The following GRAMD1B variants were observed in gnomAD, a reference collection of about 807,000 sequenced individuals.
The protein encoded by GRAMD1B is GRAM domain containing 1B.
Under a neutral mutation model 99.7 loss-of-function variants are expected in GRAMD1B, and 37 were observed. That is an observed-to-expected ratio of 0.37 (90% confidence interval 0.29 to 0.49). GRAMD1B has a LOEUF of 0.49. Ranked by LOEUF, GRAMD1B falls within the 20% of genes least tolerant of loss-of-function variation. GRAMD1B has a pLI of 0.98. For synonymous variants in GRAMD1B, 427 were observed against 387.6 expected (o/e 1.10, Z -1.19); for missense variants, 888 against 1,009.2 (o/e 0.88, Z 1.63).
chr11:123,481,617 C>T (rs927430489), intron 2 of GRAMD1B, among the ~76,000 whole-genome samples: 1 of 151,976 alleles, frequency 6.6e-6, no homozygotes, highest in Non-Finnish European at 1.5e-5. Flanking sequence ...GTGGCAGCAG[C>T]GTTAATGAAA....
At chr11:123,389,326 G>T (rs1227240648) in intron 1 of GRAMD1B, among the ~76,000 whole-genome samples, 1 of 151,688 alleles carries the variant, frequency 6.6e-6, no homozygotes, top group Non-Finnish European at 1.5e-5. Flanking sequence ...AGAGCTTGCA[G>T]TGAGCCGTGA....
chr11:123,531,730 G>GTTTTTTT (rs57528529), intron 2 of GRAMD1B, among the ~76,000 whole-genome samples: 1 of 78,084 alleles, frequency 1.3e-5, no homozygotes, highest in Admixed American at 1.6e-4. Context: ...TTGCTAGATG[G>GTTTTTTT]TTTTTTTTTT....
chr11:123,458,724 C>T (rs1413450340), intron 1 of GRAMD1B: 3 of 150,864 alleles, frequency 2.0e-5, no homozygotes, highest in African/African-American at 7.3e-5. Context: ...TCTTCATACT[C>T]CCCAATGTGA....
At chr11:123,469,608 C>T (rs753215005) in intron 1 of GRAMD1B, among the ~76,000 whole-genome samples, 2 of 152,072 alleles carry the variant, frequency 1.3e-5, no homozygotes, top group Non-Finnish European at 1.5e-5. Context: ...TTTGAGACTC[C>T]TGTTGGACAT....
intron 2 of GRAMD1B, among the ~76,000 whole-genome samples, chr11:123,566,223 A>C (rs1947354669): frequency 6.6e-6 from 1 of 152,238 alleles, no homozygotes; most frequent in South Asian, 2.1e-4. Flanking sequence ...ACAGGTGCAC[A>C]GAAAGAAAAA....
intron 1 of GRAMD1B, among the ~76,000 whole-genome samples, chr11:123,449,621 G>A (rs1224947572): frequency 1.3e-5 from 2 of 151,694 alleles, no homozygotes; most frequent in African/African-American, 4.9e-5. Flanking sequence ...ATCACCCAGG[G>A]TGGAGATTGC....
intron 1 of GRAMD1B, among the ~76,000 whole-genome samples, chr11:123,455,933 G>A (rs750326035): frequency 6.6e-6 from 1 of 152,258 alleles, no homozygotes; most frequent in Non-Finnish European, 1.5e-5. Context: ...ACTTTGGGAG[G>A]CCAAGGTGGG....
At position 123,618,983 on chromosome 11, in the gene GRAMD1B, G is replaced by A. The variant is rs558429350; in HGVS notation, c.2427-124G>A. On this transcript the variant is annotated intron_variant, in intron 18 of 19. Coordinates refer to ENST00000635736, the MANE Select transcript of GRAMD1B (RefSeq NM_001387025.1). ...TTCTGATCTGGGGCACAGGGGAACC[G>A]GGGGCAGTGAGCAGAGGACAAAGCA... is the stretch of plus-strand genomic sequence containing the variant. 1.6e-3 allele frequency: 1,100 copies of A among 686,806 alleles called. 5 individuals carry two copies. Among genetic ancestry groups the A allele is most frequent in the Non-Finnish European group, 1.9e-3 (735 of 391,492 alleles). The allele number at this position is 686,806 out of a possible 1,614,324, so 42.5% of individuals were successfully genotyped here.
At chr11:123,562,661 A>T (rs542637274) in intron 2 of GRAMD1B, among the ~76,000 whole-genome samples, 2 of 152,200 alleles carry the variant, frequency 1.3e-5, no homozygotes, top group Non-Finnish European at 2.9e-5. Flanking sequence ...GTAGTTTTGC[A>T]TCTGGCCTAG....
chr11:123,508,551 C>G (rs75010283), intron 2 of GRAMD1B, among the ~76,000 whole-genome samples: 34 of 152,294 alleles, frequency 2.2e-4, no homozygotes, highest in African/African-American at 7.7e-4. Context: ...AAGCCAGACC[C>G]GTGAGCACTG....
intron 2 of GRAMD1B, among the ~76,000 whole-genome samples, chr11:123,485,555 T>A (rs935148196): frequency 6.6e-6 from 1 of 152,134 alleles, no homozygotes; most frequent in African/African-American, 2.4e-5. Context: ...GCTGAGTGGG[T>A]GTGGCATCAG....
intron 2 of GRAMD1B, among the ~76,000 whole-genome samples, chr11:123,533,967 G>A (rs1028407677): frequency 6.6e-6 from 1 of 152,206 alleles, no homozygotes; most frequent in Non-Finnish European, 1.5e-5. Context: ...AGACTAATAC[G>A]AAAAGTTTGA....
At chr11:123,387,251 G>C (rs1947095779) in intron 1 of GRAMD1B, among the ~76,000 whole-genome samples, 1 of 152,166 alleles carries the variant, frequency 6.6e-6, no homozygotes, top group African/African-American at 2.4e-5. Context: ...TGGATGTGAA[G>C]TATCCCCAGG....
intron 9 of GRAMD1B, among the ~76,000 whole-genome samples, chr11:123,605,072 G>A: frequency 6.8e-6 from 1 of 146,458 alleles, no homozygotes; most frequent in Non-Finnish European, 1.5e-5. Context: ...TAAGGAGGCT[G>A]CCTAGGAAAG....
chr11:123,598,654 G>C, intron 7 of GRAMD1B: 2 of 1,251,070 alleles, frequency 1.6e-6, no homozygotes, highest in Non-Finnish European at 1.2e-6. Context: ...AAAGCTAAGA[G>C]AGCGGATTTC....
At chr11:123,532,224 T>C (rs1463278688) in intron 2 of GRAMD1B, among the ~76,000 whole-genome samples, 1 of 152,196 alleles carries the variant, frequency 6.6e-6, no homozygotes, top group Non-Finnish European at 1.5e-5. Flanking sequence ...AAGGCTATCC[T>C]GCATGTGGCA....
At chr11:123,521,766 T>A (rs927816521) in intron 2 of GRAMD1B, among the ~76,000 whole-genome samples, 2 of 152,222 alleles carry the variant, frequency 1.3e-5, no homozygotes, top group East Asian at 3.8e-4. Context: ...GAGAGTGTAG[T>A]CCACTGGGAT....
intron 1 of GRAMD1B, among the ~76,000 whole-genome samples, chr11:123,398,397 T>A (rs918416616): frequency 2.0e-5 from 3 of 152,194 alleles, no homozygotes; most frequent in Non-Finnish European, 4.4e-5. Context: ...GAGCTCACCC[T>A]AATAACCTTA....
At chr11:123,392,812 A>C (rs1012468683) in intron 1 of GRAMD1B, among the ~76,000 whole-genome samples, 4 of 152,176 alleles carry the variant, frequency 2.6e-5, no homozygotes, top group African/African-American at 9.7e-5. Context: ...CCTAGAGATA[A>C]ATTTTCAGAA....
Sources: allele counts gnomAD v4.1 joint callset (sites outside exome capture counted in the v4.1 genomes callset), GRCh38; gene constraint gnomAD v4.1.1; transcripts MANE v1.5; gene names NCBI Gene and HGNC (gene_info 2026-07-23, HGNC 2026-07-21).